The following SUGCT variants were observed in gnomAD, a reference collection of about 807,000 sequenced individuals.
The protein encoded by SUGCT is succinyl-CoA:glutarate CoA-transferase.
SUGCT carries 41 observed loss-of-function variants against 55.0 expected under a neutral mutation model. That is an observed-to-expected ratio of 0.74 (90% CI 0.58 to 0.97). The LOEUF is 0.97. SUGCT is among the 50% of genes least tolerant of loss of function. The pLI is 0.00. For synonymous variants in SUGCT, 187 were observed against 200.4 expected (o/e 0.93, Z 0.56); for missense variants, 568 against 547.8 (o/e 1.04, Z -0.37).
intron 11 of SUGCT, among the ~76,000 whole-genome samples, chr7:40,475,797 C>G (rs931088467): frequency 1.3e-5 from 2 of 152,162 alleles, no homozygotes; most frequent in African/African-American, 4.8e-5. Flanking sequence ...AGTGTCAGAG[C>G]AGAGAGGTGC....
the SUGCT span, among the ~76,000 whole-genome samples, chr7:40,960,279 A>G: frequency 2.0e-5 from 3 of 152,310 alleles, no homozygotes; most frequent in South Asian, 6.2e-4. Context: ...GCTGTTTCTC[A>G]TAGTGAAACA....
At chr7:40,986,143 T>G in the SUGCT span, among the ~76,000 whole-genome samples, 1 of 152,220 alleles carries the variant, frequency 6.6e-6, no homozygotes. Context: ...GGTGAGTTAA[T>G]AAGTTATTAA....
At chr7:40,197,145 A>G (rs1255391586) in intron 6 of SUGCT, among the ~76,000 whole-genome samples, 1 of 152,122 alleles carries the variant, frequency 6.6e-6, no homozygotes, top group African/African-American at 2.4e-5. Context: ...CTGATGATTA[A>G]CTTTTGTACT....
the SUGCT span, among the ~76,000 whole-genome samples, chr7:40,949,688 C>A: frequency 6.6e-6 from 1 of 152,134 alleles, no homozygotes; most frequent in African/African-American, 2.4e-5. Context: ...GCCAGTTTTC[C>A]CAACACCATT....
At chr7:40,891,560 C>T in the SUGCT span, among the ~76,000 whole-genome samples, 9 of 151,988 alleles carry the variant, frequency 5.9e-5, no homozygotes, top group African/African-American at 2.2e-4. Context: ...AATATTATAC[C>T]CAGCAAAGCC....
intron 11 of SUGCT, among the ~76,000 whole-genome samples, chr7:40,493,979 G>T (rs868748501): frequency 6.6e-6 from 1 of 152,158 alleles, no homozygotes; most frequent in African/African-American, 2.4e-5. Context: ...ACGCAAAGAC[G>T]CAAACAGTGG....
chr7:41,002,232 G>T, the SUGCT span, among the ~76,000 whole-genome samples: 99 of 152,250 alleles, frequency 6.5e-4, no homozygotes, highest in African/African-American at 2.3e-3. Context: ...CATTGTTCAG[G>T]CTGGTCTCAA....
At chr7:40,411,305 A>T (rs1786673138) in intron 9 of SUGCT, among the ~76,000 whole-genome samples, 1 of 152,252 alleles carries the variant, frequency 6.6e-6, no homozygotes, top group South Asian at 2.1e-4. Flanking sequence ...AGGCAAGAGC[A>T]TCGCTTGAGC....
rs1314926286 is a variant in SUGCT at position 40,212,690 on chromosome 7, G to A, written c.484+17630G>A. Among the ~76,000 whole-genome samples the A allele has an allele frequency of 3.3e-5, 5 of 152,054 alleles. No individual in the cohort carries two copies. In the South Asian group the frequency reaches 6.2e-4, roughly 19 times the overall value. On this transcript the variant is annotated intron_variant, in intron 6 of 13. Coordinates refer to ENST00000335693, the MANE Select transcript of SUGCT (RefSeq NM_001193313.2). ...GCTGGGACTACAGGTTTGTGCCACC[G>A]CATCCAGCTAATTTTTGTATTTTTA...
At chr7:40,441,974 T>A (rs1025671832) in intron 9 of SUGCT, among the ~76,000 whole-genome samples, 2 of 152,082 alleles carry the variant, frequency 1.3e-5, no homozygotes, top group African/African-American at 4.8e-5. Context: ...ATATGACTCA[T>A]GGGTCTGGGT....
intron 1 of SUGCT, among the ~76,000 whole-genome samples, chr7:40,137,201 C>T (rs1787745481): frequency 6.6e-6 from 1 of 152,080 alleles, no homozygotes; most frequent in South Asian, 2.1e-4. Flanking sequence ...GATCACAGAT[C>T]ACTGCATCCT....
At chr7:40,808,765 C>T (rs1158113910) in intron 13 of SUGCT, among the ~76,000 whole-genome samples, 1 of 152,156 alleles carries the variant, frequency 6.6e-6, no homozygotes. Flanking sequence ...ATTGTTGTCT[C>T]TTGGAGATTT....
chr7:40,902,928 C>T, the SUGCT span, among the ~76,000 whole-genome samples: 10 of 152,282 alleles, frequency 6.6e-5, no homozygotes, highest in Admixed American at 4.6e-4. Flanking sequence ...ATTTAATCCT[C>T]TCCTGTTACA....
intron 12 of SUGCT, among the ~76,000 whole-genome samples, chr7:40,509,755 C>T (rs537427310): frequency 1.3e-5 from 2 of 152,096 alleles, no homozygotes; most frequent in South Asian, 4.1e-4. Flanking sequence ...ATCATGTTAC[C>T]ACTTGTTTGC....
chr7:40,619,462 TCA>T (rs1799163580), intron 12 of SUGCT, among the ~76,000 whole-genome samples: 1 of 152,194 alleles, frequency 6.6e-6, no homozygotes, highest in African/African-American at 2.4e-5. Context: ...TCTAGAGTAC[TCA>T]CAGTTTTTAT....
intron 13 of SUGCT, among the ~76,000 whole-genome samples, chr7:40,810,254 T>C (rs1791338811): frequency 6.6e-6 from 1 of 151,910 alleles, no homozygotes; most frequent in African/African-American, 2.4e-5. Flanking sequence ...GCCTCCCAAG[T>C]AGATTTATTT....
At chr7:40,381,108 A>G (rs1297930801) in intron 9 of SUGCT, among the ~76,000 whole-genome samples, 1 of 152,052 alleles carries the variant, frequency 6.6e-6, no homozygotes, top group Non-Finnish European at 1.5e-5. Flanking sequence ...AAGAGGGTCC[A>G]TTTTGTTTTA....
chr7:40,365,911 T>G (rs1212605338), intron 9 of SUGCT, among the ~76,000 whole-genome samples: 1 of 152,194 alleles, frequency 6.6e-6, no homozygotes, highest in Non-Finnish European at 1.5e-5. Flanking sequence ...TGGAAAAAAC[T>G]ACTTTAAAAT....
intron 6 of SUGCT, among the ~76,000 whole-genome samples, chr7:40,195,407 G>A (rs1286368606): frequency 6.6e-6 from 1 of 151,660 alleles, no homozygotes; most frequent in Non-Finnish European, 1.5e-5. Context: ...ATTTTTAGTA[G>A]AGACGGGGTT....
Sources: gnomAD v4.1 joint callset for allele counts (sites outside exome capture counted in the v4.1 genomes callset) on GRCh38, gnomAD v4.1.1 for gene constraint, MANE v1.5 for transcripts, NCBI Gene and HGNC (gene_info 2026-07-23, HGNC 2026-07-21) for gene names.